TMEM123: variants seen among roughly 807,000 people sequenced by gnomAD.
TMEM123 encodes the protein porimin.
In TMEM123, 16 loss-of-function variants were observed where a neutral mutation model predicts 19.7. The ratio of observed to expected loss-of-function variants is 0.81; its 90% confidence interval spans 0.55 to 1.23. TMEM123 has a LOEUF of 1.23. TMEM123 is among the 50% of genes most tolerant of loss of function. The pLI, the probability that TMEM123 is intolerant of heterozygous loss-of-function variation, is 0.00. For synonymous variants in TMEM123, 118 were observed against 99.4 expected (o/e 1.19, Z -1.12); for missense variants, 313 against 257.8 (o/e 1.21, Z -1.47).
At chr11:102,433,139 G>A (rs967861264) in intron 2 of TMEM123, among the ~76,000 whole-genome samples, 2 of 151,928 alleles carry the variant, frequency 1.3e-5, no homozygotes, top group Non-Finnish European at 2.9e-5. Context: ...GGAGCTGTGA[G>A]AAGAGGGCCA....
intron 2 of TMEM123, among the ~76,000 whole-genome samples, chr11:102,428,534 T>C (rs1008912009): frequency 6.6e-6 from 1 of 151,606 alleles, no homozygotes; most frequent in African/African-American, 2.4e-5. Flanking sequence ...CTCGAACTCC[T>C]GACCCCAGGT....
chr11:102,423,409 C>T (rs995402121), intron 2 of TMEM123, among the ~76,000 whole-genome samples: 5 of 152,134 alleles, frequency 3.3e-5, no homozygotes, highest in African/African-American at 1.2e-4. Context: ...AAAGTCCACT[C>T]CCTTTTAGGG....
At chr11:102,415,522 C>G (rs1462641485) in intron 2 of TMEM123, among the ~76,000 whole-genome samples, 1 of 152,206 alleles carries the variant, frequency 6.6e-6, no homozygotes, top group Non-Finnish European at 1.5e-5. Flanking sequence ...AAATTTAAAT[C>G]AGTACCAGGA....
intron 2 of TMEM123, among the ~76,000 whole-genome samples, chr11:102,412,018 T>C (rs762205726): frequency 1.3e-5 from 2 of 152,208 alleles, no homozygotes; most frequent in East Asian, 1.9e-4. Context: ...TTCATTTTTA[T>C]TTCTGTTGCT....
intron 4 of TMEM123, 28 bp from the exon 5 acceptor site, chr11:102,398,919 T>G: frequency 6.3e-7 from 1 of 1,593,340 alleles, no homozygotes; most frequent in Non-Finnish European, 8.5e-7. Context: ...TTACAATTAC[T>G]TTGTTTTGTT....
At chr11:102,400,575 CTTACATTTGTGTCACCCAATATGAGTATG>C (rs1951902858) in intron 4 of TMEM123, among the ~76,000 whole-genome samples, 2 of 152,206 alleles carry the variant, frequency 1.3e-5, no homozygotes, top group South Asian at 4.1e-4. Context: ...TGAATTAGCT[CTTACATTTGTGTCACCCAATATGAGTATG>C]TTGAAACCCT....
At chr11:102,415,398 G>C (rs934503992) in intron 2 of TMEM123, among the ~76,000 whole-genome samples, 10 of 151,948 alleles carry the variant, frequency 6.6e-5, no homozygotes, top group Non-Finnish European at 1.2e-4. Context: ...ATCTGCACAA[G>C]GCACATACTC....
rs987739502 is a variant in TMEM123 at position 102,426,872 on chromosome 11, C to CCCG, written c.157+21939_157+21940insCGG. 2.0e-5 allele frequency among the ~76,000 whole-genome samples: 2 copies of CCCG among 99,004 alleles called. 1 individual carries two copies. Among genetic ancestry groups the CCCG allele is most frequent in the South Asian group, 1.1e-3 (2 of 1,832 alleles). The allele number at this position is 99,004 out of a possible 152,430, so 65.0% of individuals were successfully genotyped here. On this transcript the variant is annotated intron_variant, in intron 2 of 4. Coordinates refer to ENST00000398136, the MANE Select transcript of TMEM123 (RefSeq NM_052932.3). The stretch of plus-strand genomic sequence containing the variant: ...TTTTAAAGTAGTTCCCCCCCCCCCC[C>CCCG]CATTTATTGCTCAAAATCCACAACT...
chr11:102,424,124 A>G (rs912815461), intron 2 of TMEM123, among the ~76,000 whole-genome samples: 2 of 152,218 alleles, frequency 1.3e-5, no homozygotes, highest in African/African-American at 2.4e-5. Context: ...CATAATGCCA[A>G]TACAAAGACA....
intron 2 of TMEM123, among the ~76,000 whole-genome samples, chr11:102,421,711 A>T (rs1250431172): frequency 6.6e-6 from 1 of 152,216 alleles, no homozygotes; most frequent in East Asian, 1.9e-4. Flanking sequence ...CTAAAAACAC[A>T]TATTGTTTAA....
chr11:102,430,717 CAT>C (rs1299637749), intron 2 of TMEM123, among the ~76,000 whole-genome samples: 1 of 152,216 alleles, frequency 6.6e-6, no homozygotes, highest in Non-Finnish European at 1.5e-5. Context: ...AGGTGCTTTA[CAT>C]GTTACCTCAT....
chr11:102,450,004 A>G (rs766205817), intron 1 of TMEM123, among the ~76,000 whole-genome samples: 6 of 152,034 alleles, frequency 3.9e-5, no homozygotes, highest in Admixed American at 6.6e-5. Context: ...AACCTTCCCA[A>G]TTGTTGCATT....
intron 2 of TMEM123, among the ~76,000 whole-genome samples, chr11:102,424,478 G>C (rs1469259128): frequency 2.0e-5 from 3 of 152,152 alleles, no homozygotes; most frequent in African/African-American, 2.4e-5. Context: ...TTGAGGCCAG[G>C]AGGTTCAAGA....
intron 2 of TMEM123, among the ~76,000 whole-genome samples, chr11:102,426,859 T>TACCCCC (rs1491364770): frequency 2.4e-4 from 1 of 4,136 alleles, no homozygotes; most frequent in Non-Finnish European, 4.9e-4. Context: ...TTAAAGTAGT[T>TACCCCC]CCCCCCCCCC....
At chr11:102,423,161 C>T (rs908717792) in intron 2 of TMEM123, among the ~76,000 whole-genome samples, 1 of 152,188 alleles carries the variant, frequency 6.6e-6, no homozygotes, top group African/African-American at 2.4e-5. Flanking sequence ...TATATCCCTA[C>T]TATGTAACAC....
intron 2 of TMEM123, among the ~76,000 whole-genome samples, chr11:102,425,314 C>T (rs749924648): frequency 1.3e-5 from 2 of 152,206 alleles, no homozygotes; most frequent in Non-Finnish European, 2.9e-5. Context: ...CAGCATCATG[C>T]TCAACAGATG....
intron 2 of TMEM123, among the ~76,000 whole-genome samples, chr11:102,417,317 T>C (rs1294592810): frequency 2.6e-5 from 4 of 152,276 alleles, no homozygotes; most frequent in South Asian, 4.1e-4. Flanking sequence ...GCAAAATCAA[T>C]GTACAGAAAT....
chr11:102,402,250 G>A, intron 2 of TMEM123, 44 bp from the exon 3 acceptor site: 1 of 1,583,858 alleles, frequency 6.3e-7, no homozygotes, highest in Non-Finnish European at 8.6e-7. Context: ...CTATGATTTA[G>A]GGAATAAGAT....
At chr11:102,432,777 G>A (rs1240626363) in intron 2 of TMEM123, among the ~76,000 whole-genome samples, 2 of 152,222 alleles carry the variant, frequency 1.3e-5, no homozygotes, top group African/African-American at 4.8e-5. Flanking sequence ...CAGGCCCAGG[G>A]GCCCCCTGCT....
Sources: allele counts gnomAD v4.1 joint callset (sites outside exome capture counted in the v4.1 genomes callset), GRCh38; gene constraint gnomAD v4.1.1; transcripts MANE v1.5; gene names NCBI Gene and HGNC (gene_info 2026-07-23, HGNC 2026-07-21).